The following CXCL13 variants were observed in gnomAD, a reference collection of about 807,000 sequenced individuals.
CXCL13 encodes C-X-C motif chemokine 13.
Under a neutral mutation model 12.2 loss-of-function variants are expected in CXCL13, and 7 were observed. That is an observed-to-expected ratio of 0.57 (90% CI 0.33 to 1.07). The LOEUF (loss-of-function observed/expected upper bound fraction) is 1.07. Ranked by LOEUF, CXCL13 falls within the 50% of genes least tolerant of loss-of-function variation. CXCL13 has a pLI of 0.04. For synonymous variants in CXCL13, 47 were observed against 42.4 expected (o/e 1.11, Z -0.42); for missense variants, 113 against 127.4 (o/e 0.89, Z 0.55).
At chr4:77,545,799 T>C (rs887621942) in intron 1 of CXCL13, among the ~76,000 whole-genome samples, 6 of 152,188 alleles carry the variant, frequency 3.9e-5, no homozygotes, top group Non-Finnish European at 7.4e-5. Context: ...ATAGGAGTGG[T>C]GAGAGAGGGC....
intron 1 of CXCL13, among the ~76,000 whole-genome samples, chr4:77,544,062 C>A (rs1163972046): frequency 1.3e-5 from 2 of 152,198 alleles, no homozygotes; most frequent in East Asian, 3.8e-4. Context: ...CATGTCCCTA[C>A]AAAGGACATG....
intron 1 of CXCL13, among the ~76,000 whole-genome samples, chr4:77,583,874 CTT>C (rs1000150101): frequency 6.6e-6 from 1 of 152,090 alleles, no homozygotes; most frequent in African/African-American, 2.4e-5. Flanking sequence ...GCTTTGTTTT[CTT>C]TGTTTGTTTT....
chr4:77,539,420 C>T lies in CXCL13; in HGVS notation c.-43+27632C>T, dbSNP rs556431634. 3.9e-5 allele frequency among the ~76,000 whole-genome samples: 6 copies of T among 152,320 alleles called. No homozygotes were observed. The South Asian group carries it at 1.2e-3, about 32-fold the overall frequency. On this transcript the variant is annotated intron_variant, in intron 1 of 4. Coordinates refer to the CXCL13 transcript ENST00000286758. ...GGGATCACAAGCATGAGCCACTGCACCTGGCCCCAGTTTGACCTTTTGACT... is the reference window on the plus strand; with the variant it reads ...GGGATCACAAGCATGAGCCACTGCATCTGGCCCCAGTTTGACCTTTTGACT...
chr4:77,519,375 T>C (rs907803263), intron 1 of CXCL13, among the ~76,000 whole-genome samples: 1 of 152,208 alleles, frequency 6.6e-6, no homozygotes. Context: ...CGCTGGGAGC[T>C]GTAGACCGGA....
chr4:77,530,386 G>T (rs915832116), intron 1 of CXCL13, among the ~76,000 whole-genome samples: 15 of 152,154 alleles, frequency 9.9e-5, no homozygotes, highest in Non-Finnish European at 2.1e-4. Context: ...GTAGAACTCG[G>T]CTGTGAATCC....
At chr4:77,550,973 C>T (rs1725501913) in intron 1 of CXCL13, among the ~76,000 whole-genome samples, 3 of 152,100 alleles carry the variant, frequency 2.0e-5, no homozygotes, top group Admixed American at 1.3e-4. Flanking sequence ...GTTCTGTTTA[C>T]ATAACAAATC....
At chr4:77,546,885 A>G (rs950524313) in intron 1 of CXCL13, among the ~76,000 whole-genome samples, 1 of 152,220 alleles carries the variant, frequency 6.6e-6, no homozygotes, top group African/African-American at 2.4e-5. Flanking sequence ...TTAGTGCTAT[A>G]AATTTCCCTC....
chr4:77,603,456 C>T (rs1364969807), upstream of CXCL13, among the ~76,000 whole-genome samples: 1 of 152,086 alleles, frequency 6.6e-6, no homozygotes, highest in Admixed American at 6.5e-5. Context: ...CAGATGTATG[C>T]ATTTAAGTGT....
At chr4:77,563,178 G>A (rs1031976939) in intron 1 of CXCL13, among the ~76,000 whole-genome samples, 7 of 151,992 alleles carry the variant, frequency 4.6e-5, no homozygotes, top group African/African-American at 1.5e-4. Flanking sequence ...AACTCCGGAC[G>A]CCCCTTTAAG....
chr4:77,518,140 T>C (rs1322620201), intron 1 of CXCL13, among the ~76,000 whole-genome samples: 2 of 152,228 alleles, frequency 1.3e-5, no homozygotes, highest in African/African-American at 4.8e-5. Context: ...TCTTCTGGCT[T>C]GTAGAGTTTC....
chr4:77,527,358 C>A (rs1724793455), intron 1 of CXCL13, among the ~76,000 whole-genome samples: 1 of 152,150 alleles, frequency 6.6e-6, no homozygotes, highest in Admixed American at 6.5e-5. Context: ...TGCAACTGGG[C>A]ACAGTGACTC....
At chr4:77,513,786 T>C (rs1024829676) in intron 1 of CXCL13, among the ~76,000 whole-genome samples, 1 of 149,912 alleles carries the variant, frequency 6.7e-6, no homozygotes, top group Non-Finnish European at 1.5e-5. Context: ...CCATTCTAAC[T>C]GGTGTGAGAT....
upstream of CXCL13, among the ~76,000 whole-genome samples, chr4:77,602,067 CA>C (rs1726890137): frequency 6.6e-6 from 1 of 152,200 alleles, no homozygotes; most frequent in Non-Finnish European, 1.5e-5. Context: ...TCAATTGTAT[CA>C]CAGTGACATT....
chr4:77,582,057 A>G (rs866335890), intron 1 of CXCL13, among the ~76,000 whole-genome samples: 38 of 80,950 alleles, frequency 4.7e-4, no homozygotes, highest in African/African-American at 1.8e-3. Context: ...AAAACATAGA[A>G]AAAAATGGAA....
At chr4:77,534,725 G>A (rs975222544) in intron 1 of CXCL13, among the ~76,000 whole-genome samples, 3 of 152,146 alleles carry the variant, frequency 2.0e-5, no homozygotes, top group African/African-American at 7.2e-5. Context: ...TCCATTTAGT[G>A]CAGGCCTCAG....
chr4:77,605,775 C>T (rs1726988062), upstream of CXCL13: 3 of 657,732 alleles, frequency 4.6e-6, no homozygotes, highest in Non-Finnish European at 7.6e-6. Context: ...AGTGGGAGGG[C>T]CCTTACTGGT....
At chr4:77,608,428 G>A (rs1282608683) in intron 2 of CXCL13, among the ~76,000 whole-genome samples, 6 of 147,986 alleles carry the variant, frequency 4.1e-5, no homozygotes, top group South Asian at 4.2e-4. Context: ...CAACAAGAGC[G>A]AAACTCCATC....
chr4:77,556,919 CGA>C (rs2109810216), intron 1 of CXCL13, among the ~76,000 whole-genome samples: 1 of 152,004 alleles, frequency 6.6e-6, no homozygotes, highest in Admixed American at 6.6e-5. Context: ...CTCAGGAGGC[CGA>C]GAGGAAGATC....
intron 1 of CXCL13, among the ~76,000 whole-genome samples, chr4:77,563,723 G>C (rs1725865688): frequency 6.6e-6 from 1 of 152,150 alleles, no homozygotes; most frequent in South Asian, 2.1e-4. Context: ...AATTACAGGG[G>C]AATATACAGA....
Sources: allele counts gnomAD v4.1 joint callset (sites outside exome capture counted in the v4.1 genomes callset), GRCh38; gene constraint gnomAD v4.1.1; transcripts MANE v1.5; gene names NCBI Gene and HGNC (gene_info 2026-07-23, HGNC 2026-07-21).